The following CRPPA variants were observed in gnomAD, a reference collection of about 807,000 sequenced individuals.
The protein encoded by CRPPA is CDP-L-ribitol pyrophosphorylase A.
CRPPA carries 43 observed loss-of-function variants against 52.0 expected under a neutral mutation model. The ratio of observed to expected loss-of-function variants is 0.83; its 90% CI spans 0.65 to 1.07. The LOEUF (loss-of-function observed/expected upper bound fraction) is 1.07, where lower values mean the gene tolerates loss of function less well. Ranked by LOEUF, CRPPA falls within the 50% of genes least tolerant of loss-of-function variation. The probability of loss-of-function intolerance (pLI) is 0.00; values close to 1 mark genes in which losing one functional copy is unlikely to be tolerated. For synonymous variants in CRPPA, 250 were observed against 203.5 expected, an observed-to-expected ratio of 1.23 and a Z score of -1.94; for missense variants, 629 against 551.7, an observed-to-expected ratio of 1.14 and a Z score of -1.40.
At chr7:16,242,930 C>T (rs139953603) in intron 8 of CRPPA, among the ~76,000 whole-genome samples, 1 of 152,032 alleles carries the variant, frequency 6.6e-6, no homozygotes, top group East Asian at 1.9e-4. Context: ...ATAATATGAC[C>T]CACACGACAA....
chr7:16,116,084 A>G (rs1378072059), intron 9 of CRPPA, among the ~76,000 whole-genome samples: 13 of 152,204 alleles, frequency 8.5e-5, no homozygotes, highest in Admixed American at 8.5e-4. Flanking sequence ...ATATTTACAT[A>G]GTTTCCAAAT....
At chr7:16,323,583 A>G (rs1184193276) in intron 3 of CRPPA, among the ~76,000 whole-genome samples, 1 of 152,218 alleles carries the variant, frequency 6.6e-6, no homozygotes, top group Non-Finnish European at 1.5e-5. Context: ...TCCACTCCAA[A>G]TCAGAGAACC....
chr7:16,314,351 G>A (rs1313648905), intron 3 of CRPPA, among the ~76,000 whole-genome samples: 1 of 151,970 alleles, frequency 6.6e-6, no homozygotes, highest in African/African-American at 2.4e-5. Context: ...TAGGGCAAGT[G>A]TCTTATAAAA....
At position 16,342,798 on chromosome 7, in the gene CRPPA, T is replaced by TATATATAG. The variant is rs1491461185; in HGVS notation, c.684+33293_684+33294insCTATATAT. On this transcript the variant is annotated intron_variant, in intron 3 of 9. Transcript: ENST00000407010. ...AAAAAAAAAAATATATATATATATA[T>TATATATAG]CTATATAGATATATAGATATACATA... 1.9e-4 allele frequency among the ~76,000 whole-genome samples: 19 copies of TATATATAG among 101,230 alleles called. 3 individuals carry two copies. In the East Asian group the frequency reaches 3.4e-3, roughly 18 times the overall value. The allele number at this position is 101,230 out of a possible 152,430, so 66.4% of individuals were successfully genotyped here. A position where few individuals can be genotyped will look rare whatever the true frequency, so the allele number is the denominator to read the frequency against.
At chr7:16,317,121 C>T (rs1250768042) in intron 3 of CRPPA, among the ~76,000 whole-genome samples, 1 of 152,132 alleles carries the variant, frequency 6.6e-6, no homozygotes, top group African/African-American at 2.4e-5. Context: ...GAATATGAGG[C>T]ACCATTACCA....
chr7:16,128,424 T>C (rs887574043), intron 9 of CRPPA, among the ~76,000 whole-genome samples: 2 of 152,070 alleles, frequency 1.3e-5, no homozygotes, highest in African/African-American at 4.8e-5. Flanking sequence ...ATGCCTGTAG[T>C]TAGGGAAATC....
chr7:16,145,141 T>C (rs1336373450), intron 9 of CRPPA, among the ~76,000 whole-genome samples: 1 of 152,296 alleles, frequency 6.6e-6, no homozygotes, highest in East Asian at 1.9e-4. Flanking sequence ...CTAGGCTCCA[T>C]CCCTGTTCTA....
chr7:16,251,321 G>C (rs1783443128), intron 8 of CRPPA, among the ~76,000 whole-genome samples: 1 of 152,026 alleles, frequency 6.6e-6, no homozygotes, highest in South Asian at 2.1e-4. Context: ...AGTTCAACGA[G>C]ACAGAAAATT....
intron 3 of CRPPA, among the ~76,000 whole-genome samples, chr7:16,342,969 G>A (rs1785914410): frequency 7.0e-6 from 1 of 143,632 alleles, no homozygotes; most frequent in Non-Finnish European, 1.5e-5. Context: ...GAGCCTGGGA[G>A]GTAGAAGTTG....
intron 6 of CRPPA, chr7:16,262,094 A>G (rs1003674644): frequency 2.0e-5 from 3 of 152,172 alleles, no homozygotes; most frequent in African/African-American, 7.2e-5. Context: ...CAAATCAACC[A>G]CAGTAAGTTT....
At chr7:16,307,012 G>A (rs1784927105) in intron 4 of CRPPA, among the ~76,000 whole-genome samples, 1 of 152,134 alleles carries the variant, frequency 6.6e-6, no homozygotes, top group African/African-American at 2.4e-5. Flanking sequence ...ATCTTAGCAT[G>A]CAGTGAGGCT....
At chr7:16,143,785 G>A (rs1031045474) in intron 9 of CRPPA, among the ~76,000 whole-genome samples, 1 of 152,162 alleles carries the variant, frequency 6.6e-6, no homozygotes, top group African/African-American at 2.4e-5. Context: ...CACTTCTAGA[G>A]GGGTACCATC....
intron 8 of CRPPA, chr7:16,235,941 A>G (rs1782939650): frequency 6.6e-6 from 1 of 152,074 alleles, no homozygotes; most frequent in Non-Finnish European, 1.5e-5. Flanking sequence ...CATTCATTTT[A>G]AAAGAAAAGA....
At chr7:16,320,683 A>G (rs957347761) in intron 3 of CRPPA, among the ~76,000 whole-genome samples, 3 of 152,218 alleles carry the variant, frequency 2.0e-5, no homozygotes, top group African/African-American at 7.2e-5. Context: ...TGTTTCAAGT[A>G]GAAACAAAAT....
intron 2 of CRPPA, among the ~76,000 whole-genome samples, chr7:16,383,269 T>G (rs542358057): frequency 0.02 from 3,005 of 152,322 alleles, 90 homozygotes; most frequent in African/African-American, 0.069. Context: ...CTAGACCCTG[T>G]TTGCCTGGGT....
At chr7:16,305,188 C>CA (rs1562620517) in intron 4 of CRPPA, among the ~76,000 whole-genome samples, 2 of 151,252 alleles carry the variant, frequency 1.3e-5, no homozygotes, top group Non-Finnish European at 2.9e-5. Flanking sequence ...ATGAAAATAC[C>CA]AAAAAAAGAA....
rs887993917 is a variant in CRPPA at position 16,143,379 on chromosome 7, A to G, written c.1252-51580T>C. On this transcript the variant is annotated intron_variant, in intron 9 of 9. Coordinates refer to ENST00000407010, the MANE Select transcript of CRPPA (RefSeq NM_001101426.4). ...AATGTCAATATTAAAGTCAGTGGAA[A>G]TACAGGGCAAAGAAAGGGAGGCAGT... Among the ~76,000 whole-genome samples, 3 of 152,226 alleles carry G rather than the reference A, an allele frequency of 2.0e-5. No homozygotes were observed. The South Asian group carries it at 6.2e-4, about 31-fold the overall frequency.
At chr7:16,180,021 A>G (rs1194074604) in intron 9 of CRPPA, among the ~76,000 whole-genome samples, 3 of 152,084 alleles carry the variant, frequency 2.0e-5, no homozygotes, top group African/African-American at 4.8e-5. Context: ...TTTTTTCCTA[A>G]TTTGCTAGGT....
intron 8 of CRPPA, among the ~76,000 whole-genome samples, chr7:16,226,218 C>T (rs1263357010): frequency 6.6e-6 from 1 of 151,814 alleles, no homozygotes; most frequent in African/African-American, 2.4e-5. Context: ...ATAAGATTAA[C>T]ATCTTATACA....
Sources: allele counts gnomAD v4.1 joint callset (sites outside exome capture counted in the v4.1 genomes callset), GRCh38; gene constraint gnomAD v4.1.1; transcripts MANE v1.5; gene names NCBI Gene and HGNC (gene_info 2026-07-23, HGNC 2026-07-21).